Variants in SEC23A observed in about 807,000 individuals in gnomAD.
SEC23A encodes the protein SEC23 homolog A, COPII component, also known as protein transport protein Sec23A.
A neutral mutation model predicts 103.7 loss-of-function variants in SEC23A; 56 were observed. The observed-to-expected ratio is 0.54, with a 90% confidence interval of 0.44 to 0.67. SEC23A has a LOEUF of 0.67. SEC23A is among the 30% of genes least tolerant of loss of function. The pLI, the probability that SEC23A is intolerant of heterozygous loss-of-function variation, is 0.00. For synonymous variants in SEC23A, 281 were observed against 293.0 expected, an observed-to-expected ratio of 0.96 and a Z score of 0.42; for missense variants, 784 against 936.4, an observed-to-expected ratio of 0.84 and a Z score of 2.12.
rs762403653 is a variant in SEC23A, at chr14:39,075,977, G to C, written c.945C>G (p.Asp315Glu). Residue 315 changes from aspartate to glutamate, a missense_variant, in exon 8 of 20, where the codon GAC (aspartate) becomes GAG (glutamate). Transcript: ENST00000307712. ...CATATTTGGCATTGTCTTTGTCAAT[G>C]TCATGCCACGATCTTATAGGTGTCT... ...ELKTPIRSWH[D>E]IDKDNAKYVK... 2 of 1,613,854 alleles carry C rather than the reference G, an allele frequency of 1.2e-6. No homozygotes were observed. Among genetic ancestry groups the C allele is most frequent in the South Asian group, 2.2e-5 (2 of 91,054 alleles).
Position 39,064,953 on chromosome 14 carries a change from C to A in SEC23A, c.1268G>T (p.Cys423Phe), listed in dbSNP as rs1314373047. ...EIKISGAIGPCVSLNSKGPCV... is the reference protein window; with the variant it reads ...EIKISGAIGPFVSLNSKGPCV... The stretch of plus-strand genomic sequence containing the variant: ...GGGTCCTTTAGAATTGAGTGACACA[C>A]AGGGTCCAATAGCTCCTGAAATCTT... Residue 423 changes from cysteine to phenylalanine, a missense_variant, in exon 11 of 20, where the codon TGT (cysteine) becomes TTT (phenylalanine). By Grantham distance (205) the Cys-to-Phe change is radical. Around this residue, in one of 2 missense-constraint regions of SEC23A, gnomAD observed 683 missense variants for 774.2 expected, o/e 0.88. Coordinates refer to ENST00000307712, the MANE Select transcript of SEC23A (RefSeq NM_006364.4). 1.2e-6 allele frequency: 2 copies of A among 1,613,272 alleles called. No individual in the cohort carries two copies. The highest frequency in any genetic ancestry group is 2.7e-5 in the African/African-American group (2 of 74,866).
intron 14 of SEC23A, among the ~76,000 whole-genome samples, chr14:39,051,685 C>T (rs983682977): frequency 4.6e-5 from 7 of 152,014 alleles, no homozygotes; most frequent in African/African-American, 1.2e-4. Context: ...CAAGACTAGC[C>T]GGGCGTGGTG....
intron 7 of SEC23A, among the ~76,000 whole-genome samples, chr14:39,082,262 T>TTA (rs1230965573): frequency 1.2e-4 from 18 of 151,048 alleles, no homozygotes; most frequent in Non-Finnish European, 2.4e-4. Flanking sequence ...GTATATAAAT[T>TTA]TATATATATA....
At chr14:39,066,048 CCT>C (rs1258936348) in intron 10 of SEC23A, among the ~76,000 whole-genome samples, 1 of 142,830 alleles carries the variant, frequency 7.0e-6, no homozygotes, top group African/African-American at 2.6e-5. Context: ...AAGTCACACT[CCT>C]CTAGAAGTCT....
At chr14:39,036,657 T>TA (rs1885473298) in intron 19 of SEC23A, among the ~76,000 whole-genome samples, 1 of 152,206 alleles carries the variant, frequency 6.6e-6, no homozygotes, top group Admixed American at 6.5e-5. Flanking sequence ...AACGTCCATA[T>TA]ACTGCTTATG....
At chr14:39,034,121 CA>C (rs1483557558) in intron 19 of SEC23A, among the ~76,000 whole-genome samples, 1 of 152,152 alleles carries the variant, frequency 6.6e-6, no homozygotes, top group East Asian at 1.9e-4. Flanking sequence ...TCAATTTTAT[CA>C]TATGTTTATT....
chr14:39,094,416 ATATATATATATATATATATATATATATT>A lies in SEC23A; in HGVS notation c.222-1200_222-1173del, dbSNP rs1452089418. On this transcript the variant is annotated intron_variant, in intron 2 of 19. Transcript: ENST00000307712. ...CACACACATATATATATATATATAT[ATATATATATATATATATATATATATATT>A]TTTTTTTTTTTTTTTTCCCCTCCTG... is the stretch of plus-strand genomic sequence containing the variant. Among the ~76,000 whole-genome samples the A allele has an allele frequency of 5.7e-4, 30 of 52,270 alleles. 3 individuals carry two copies. Among genetic ancestry groups the A allele is most frequent in the African/African-American group, 3.2e-3 (20 of 6,292 alleles). 34.3% of individuals were successfully genotyped at this position (52,270 alleles called of 152,430 possible).
intron 14 of SEC23A, among the ~76,000 whole-genome samples, chr14:39,050,848 G>T (rs964901075): frequency 6.6e-6 from 1 of 151,358 alleles, no homozygotes; most frequent in East Asian, 2.0e-4. Flanking sequence ...ACAGATCCCT[G>T]AAGTTGGATG....
At chr14:39,101,787 T>G (rs192949222) in intron 1 of SEC23A, among the ~76,000 whole-genome samples, 1 of 152,348 alleles carries the variant, frequency 6.6e-6, no homozygotes, top group Non-Finnish European at 1.5e-5. Flanking sequence ...CTCCTACTTT[T>G]CACTTCCAAA....
intron 8 of SEC23A, 128 bp from the exon 9 acceptor site, chr14:39,074,658 A>T: frequency 1.6e-6 from 1 of 639,844 alleles, no homozygotes; most frequent in Non-Finnish European, 2.8e-6. Context: ...TAGTTATTTA[A>T]CTTTCTGTAA....
chr14:39,079,276 C>T (rs1253302396), intron 7 of SEC23A, among the ~76,000 whole-genome samples: 2 of 151,768 alleles, frequency 1.3e-5, no homozygotes, highest in African/African-American at 4.8e-5. Context: ...TGCGTATGAT[C>T]CAAAGGAAGT....
chr14:39,079,290 A>G (rs573563940), intron 7 of SEC23A, among the ~76,000 whole-genome samples: 1 of 152,310 alleles, frequency 6.6e-6, no homozygotes, highest in East Asian at 1.9e-4. Flanking sequence ...AGGAAGTGAC[A>G]GGATCTAGAA....
chr14:39,081,619 C>A (rs1239177906), intron 7 of SEC23A, among the ~76,000 whole-genome samples: 1 of 151,968 alleles, frequency 6.6e-6, no homozygotes, highest in East Asian at 1.9e-4. Flanking sequence ...TAGGACTGAG[C>A]AAATAAGTAA....
At position 39,033,372 on chromosome 14, in the gene SEC23A, TATC is replaced by T; in HGVS notation, c.2209-47_2209-45del. On this transcript the variant is annotated intron_variant, in intron 19 of 19. Transcript: ENST00000307712. ...TTGTTATGATTAAAGCATAGGGTGA[TATC>T]ATGGAATTTATACACAAATGTTTAA... The T allele has an allele frequency of 2.4e-6, 3 of 1,252,888 alleles. No individual in the cohort carries two copies. In the South Asian group the frequency reaches 3.6e-5, roughly 15 times the overall value. The allele number at this position is 1,252,888 out of a possible 1,614,324, so 77.6% of individuals were successfully genotyped here. A position where few individuals can be genotyped will look rare whatever the true frequency, so the allele number is the denominator to read the frequency against.
intron 19 of SEC23A, among the ~76,000 whole-genome samples, chr14:39,035,307 A>G (rs1885423632): frequency 6.6e-6 from 1 of 152,226 alleles, no homozygotes; most frequent in Non-Finnish European, 1.5e-5. Context: ...GAAAGACCTG[A>G]GCACTCTTAT....
chr14:39,045,473 G>A, intron 15 of SEC23A, 149 bp from the exon 16 acceptor site: 23 of 494,560 alleles, frequency 4.7e-5, no homozygotes, highest in South Asian at 1.6e-4. Flanking sequence ...CTCAGGAAAG[G>A]AATCCTATTC....
At chr14:39,092,988 C>A (rs1056010971) in intron 3 of SEC23A, 199 bp downstream of exon 3, 20 of 494,774 alleles carry the variant, frequency 4.0e-5, no homozygotes, top group Non-Finnish European at 6.9e-5. Context: ...CTCAGCCTCA[C>A]GAGTAGCTGG....
chr14:39,054,138 G>T (rs1257582111), intron 14 of SEC23A, among the ~76,000 whole-genome samples: 1 of 152,042 alleles, frequency 6.6e-6, no homozygotes, highest in East Asian at 1.9e-4. Context: ...TGCCAGGTGT[G>T]GTGGTGTGTG....
At chr14:39,086,872 A>G in intron 6 of SEC23A, 57 bp downstream of exon 6, 1 of 974,608 alleles carries the variant, frequency 1.0e-6, no homozygotes. Flanking sequence ...GTTCAAGGGT[A>G]TGGAATGTTT....
Sources: gnomAD v4.1 joint callset for allele counts (sites outside exome capture counted in the v4.1 genomes callset) on GRCh38, gnomAD v4.1.1 for gene constraint, gnomAD v4.1.1 regional missense constraint, MANE v1.5 for transcripts, NCBI Gene and HGNC (gene_info 2026-07-23, HGNC 2026-07-21) for gene names.